The following PRIM2 variants were observed in gnomAD, a reference collection of about 807,000 sequenced individuals.
The protein encoded by PRIM2 is DNA primase subunit 2, also known as DNA primase large subunit.
A neutral mutation model predicts 67.3 loss-of-function variants in PRIM2; 39 were observed. That is an observed-to-expected ratio of 0.58 (90% CI 0.45 to 0.76). The LOEUF (loss-of-function observed/expected upper bound fraction) is 0.76, where lower values mean the gene tolerates loss of function less well. PRIM2 is among the 30% of genes least tolerant of loss of function. The probability of loss-of-function intolerance (pLI) is 0.00; values close to 1 mark genes in which losing one functional copy is unlikely to be tolerated. For missense variants in PRIM2, 398 were observed against 598.7 expected (o/e 0.66, Z 3.50); for synonymous variants, 143 against 198.7 (o/e 0.72, Z 2.36).
the PRIM2 span, among the ~76,000 whole-genome samples, chr6:57,294,890 A>T: frequency 3.3e-5 from 5 of 150,592 alleles, no homozygotes; most frequent in African/African-American, 9.7e-5. Context: ...GCTCATTGCA[A>T]CCTCCACCTC....
intron 13 of PRIM2, among the ~76,000 whole-genome samples, chr6:57,642,517 A>T (rs1777260943): frequency 8.1e-6 from 1 of 122,944 alleles, no homozygotes. Context: ...ATCTCGACTC[A>T]CTGCAAGCTC....
intron 5 of PRIM2, among the ~76,000 whole-genome samples, chr6:57,361,385 G>A (rs950720536): frequency 3.3e-5 from 5 of 152,024 alleles, no homozygotes; most frequent in South Asian, 2.1e-4. Context: ...GATTAGAACC[G>A]TGACTTAGGA....
chr6:57,539,397 A>G (rs1775086603), intron 10 of PRIM2, among the ~76,000 whole-genome samples: 1 of 152,172 alleles, frequency 6.6e-6, no homozygotes. Context: ...AATGAGTTAC[A>G]TAATATATCC....
chr6:57,392,925 A>G (rs1329576897), intron 7 of PRIM2, among the ~76,000 whole-genome samples: 1 of 151,804 alleles, frequency 6.6e-6, no homozygotes, highest in Non-Finnish European at 1.5e-5. Flanking sequence ...TACTTCACGT[A>G]GAATAGTAGT....
chr6:57,629,845 A>G (rs1427196565), intron 12 of PRIM2, among the ~76,000 whole-genome samples: 4 of 151,998 alleles, frequency 2.6e-5, no homozygotes, highest in African/African-American at 7.3e-5. Context: ...TTCTTTTCCT[A>G]TATCTCTGTA....
chr6:57,323,616 G>T (rs1306263277), intron 3 of PRIM2, among the ~76,000 whole-genome samples: 1 of 151,950 alleles, frequency 6.6e-6, no homozygotes, highest in Non-Finnish European at 1.5e-5. Context: ...CCCACACCAG[G>T]GCCTGTCAGG....
Position 57,587,664 on chromosome 6 carries a change from C to CAAAAAAAAAA in PRIM2, c.1021-13408_1021-13399dup, listed in dbSNP as rs1157172882. ...GGGCAACAAGAGTGAGACTCTGTCT[C>CAAAAAAAAAA]AAAAAAAAAAAAAAAAAAAAAAAAA... On this transcript the variant is annotated intron_variant, in intron 10 of 13. Transcript: ENST00000615550. 1.7e-4 allele frequency among the ~76,000 whole-genome samples: 9 copies of CAAAAAAAAAA among 54,240 alleles called. 1 individual carries two copies. Among genetic ancestry groups the CAAAAAAAAAA allele is most frequent in the East Asian group, 7.6e-4 (1 of 1,316 alleles). The allele number at this position is 54,240 out of a possible 152,430, so 35.6% of individuals were successfully genotyped here.
chr6:57,571,134 CA>C (rs1246660628), intron 10 of PRIM2, among the ~76,000 whole-genome samples: 1 of 152,112 alleles, frequency 6.6e-6, no homozygotes, highest in Non-Finnish European at 1.5e-5. Flanking sequence ...ACCTTTTAAT[CA>C]TTTCCCTTTA....
the PRIM2 span, among the ~76,000 whole-genome samples, chr6:57,287,750 A>G: frequency 6.6e-6 from 1 of 151,082 alleles, no homozygotes; most frequent in African/African-American, 2.4e-5. Context: ...TGTTCAGCAC[A>G]TGTATCCCAG....
the PRIM2 span, among the ~76,000 whole-genome samples, chr6:57,232,685 A>G: frequency 5.9e-5 from 9 of 152,358 alleles, no homozygotes; most frequent in East Asian, 1.5e-3. Context: ...CAAGCATGAT[A>G]ACCAGATTTA....
intron 1 of PRIM2, 107 bp from the exon 2 acceptor site, chr6:57,318,330 A>G: frequency 8.5e-7 from 1 of 1,177,594 alleles, no homozygotes; most frequent in Non-Finnish European, 1.2e-6. Context: ...ATGCCCTCAA[A>G]TCCATTTTTT....
At chr6:57,515,195 GTCAA>G (rs1323111415) in intron 8 of PRIM2, among the ~76,000 whole-genome samples, 1 of 152,136 alleles carries the variant, frequency 6.6e-6, no homozygotes, top group African/African-American at 2.4e-5. Flanking sequence ...CTGCATAATA[GTCAA>G]TCAAGAATAG....
At chr6:57,457,985 T>C (rs1169786763) in intron 7 of PRIM2, among the ~76,000 whole-genome samples, 2 of 152,264 alleles carry the variant, frequency 1.3e-5, no homozygotes, top group African/African-American at 4.8e-5. Flanking sequence ...GCTTAAAGTG[T>C]CTTAGATTCA....
chr6:57,493,622 A>C, intron 7 of PRIM2, among the ~76,000 whole-genome samples: 1 of 152,206 alleles, frequency 6.6e-6, no homozygotes, highest in Non-Finnish European at 1.5e-5. Context: ...GTGACCATTC[A>C]TTCAAAACAT....
Position 57,449,195 on chromosome 6 carries a change from G to A in PRIM2, c.694-58192G>A, listed in dbSNP as rs558358047. ...GATTAATTTGGAAAGTAAAAATAAA[G>A]GGTTGCTATACATGTAAATTTCTAT... is the stretch of plus-strand genomic sequence containing the variant. On this transcript the variant is annotated intron_variant, in intron 7 of 13. Coordinates refer to ENST00000615550, the MANE Select transcript of PRIM2 (RefSeq NM_000947.5). Among the ~76,000 whole-genome samples, 3 of 152,156 alleles carry A rather than the reference G, an allele frequency of 2.0e-5. 1 individual carries two copies. In the South Asian group the frequency reaches 6.3e-4, roughly 32 times the overall value.
At chr6:57,422,158 C>CTTTTTTTTTTTTTTTTTTTTTTTTTTTTT (rs575958629) in intron 7 of PRIM2, among the ~76,000 whole-genome samples, 2 of 103,326 alleles carry the variant, frequency 1.9e-5, no homozygotes, top group Non-Finnish European at 3.9e-5. Flanking sequence ...TCTTTTCTTT[C>CTTTTTTTTTTTTTTTTTTTTTTTTTTTTT]TTTTTTTTTT....
intron 7 of PRIM2, among the ~76,000 whole-genome samples, chr6:57,485,989 GAA>G (rs1773743796): frequency 6.6e-6 from 1 of 152,204 alleles, no homozygotes; most frequent in African/African-American, 2.4e-5. Flanking sequence ...TAAGATAGGA[GAA>G]ATTTCTTGGA....
At chr6:57,243,456 T>C in the PRIM2 span, among the ~76,000 whole-genome samples, 7 of 152,172 alleles carry the variant, frequency 4.6e-5, no homozygotes, top group African/African-American at 1.7e-4. Flanking sequence ...TCCTGTTTTA[T>C]TTATTTACTT....
intron 5 of PRIM2, among the ~76,000 whole-genome samples, chr6:57,345,749 T>C: frequency 6.6e-6 from 1 of 152,162 alleles, no homozygotes; most frequent in East Asian, 1.9e-4. Flanking sequence ...GAATGGCTAC[T>C]GCATAGGCAG....
Sources: allele counts gnomAD v4.1 joint callset (sites outside exome capture counted in the v4.1 genomes callset), GRCh38; gene constraint gnomAD v4.1.1; transcripts MANE v1.5; gene names NCBI Gene and HGNC (gene_info 2026-07-23, HGNC 2026-07-21).